BMP1: variants seen among roughly 807,000 people sequenced by gnomAD.
The protein encoded by BMP1 is mammalian tolloid protein.
BMP1 carries 63 observed loss-of-function variants against 116.8 expected under a neutral mutation model. The observed-to-expected ratio is 0.54, with a 90% CI of 0.44 to 0.67. BMP1 has a LOEUF of 0.67. BMP1 is among the 30% of genes least tolerant of loss of function. BMP1 has a pLI of 0.00. For missense variants in BMP1, 1,183 were observed against 1,358.9 expected (o/e 0.87, Z 2.04); for synonymous variants, 536 against 533.4 (o/e 1.00, Z -0.07).
In BMP1 at chr8:22,209,648, G is replaced by A. The variant is rs147298430; in HGVS notation, c.2779G>A (p.Gly927Ser). ...CTATGACTACATGGAGCTCTTCGAC[G>A]GCTACGACAGCACAGCCCCCAGGCT... ...CGYDYMELFD[G>S]YDSTAPRLGR... Residue 927 changes from glycine to serine, a missense_variant, in exon 19 of 20, where the codon GGC becomes AGC. Gly to Ser is a moderately conservative substitution (Grantham distance 56). Transcript: ENST00000306385. 9 of 1,614,002 alleles carry A rather than the reference G, an allele frequency of 5.6e-6. No homozygotes were observed. Among genetic ancestry groups the A allele is most frequent in the Admixed American group, 1.7e-5 (1 of 60,008 alleles).
At chr8:22,207,016 G>T (rs773288389) in intron 17 of BMP1, 35 bp downstream of exon 17, 2 of 1,610,574 alleles carry the variant, frequency 1.2e-6, no homozygotes, top group Non-Finnish European at 8.5e-7. Context: ...TATGCGGTGT[G>T]GCTGCCCCCG....
At chr8:22,202,046 G>GC in intron 16 of BMP1, 118 bp downstream of exon 16, 1 of 1,397,028 alleles carries the variant, frequency 7.2e-7, no homozygotes, top group East Asian at 2.5e-5. Context: ...GATCTCTAAG[G>GC]CCCCCTCATT....
rs932501207 is a variant in BMP1 at position 22,203,758 on chromosome 8, G to A, written c.2233+1830G>A. Among the ~76,000 whole-genome samples the A allele has an allele frequency of 3.3e-5, 5 of 152,268 alleles. 1 individual carries two copies. The highest frequency in any genetic ancestry group is 4.8e-5 in the African/African-American group (2 of 41,536). On this transcript the variant is annotated intron_variant, in intron 16 of 19. Coordinates refer to ENST00000306385, the MANE Select transcript of BMP1 (RefSeq NM_006129.5). ...ACAGTGAACCAGTGGACAGTCGAGG[G>A]CTTCCAACCCTGTGACCTCAGGCTT...
At chr8:22,187,282 C>T (rs1017717664) in intron 8 of BMP1, among the ~76,000 whole-genome samples, 5 of 151,860 alleles carry the variant, frequency 3.3e-5, no homozygotes, top group Admixed American at 2.0e-4. Context: ...TGAGCCACCA[C>T]GCCCAGGCCA....
intron 16 of BMP1, among the ~76,000 whole-genome samples, chr8:22,204,491 T>A (rs1829317193): frequency 6.6e-6 from 1 of 151,848 alleles, no homozygotes; most frequent in African/African-American, 2.4e-5. Flanking sequence ...GGGAAGCTGA[T>A]GGGGGCAGAT....
At chr8:22,173,580 T>G (rs771978043) in intron 1 of BMP1, 22 bp from the exon 2 acceptor site, 19 of 1,591,654 alleles carry the variant, frequency 1.2e-5, no homozygotes, top group Admixed American at 5.2e-5. Flanking sequence ...AACTCAGCCC[T>G]GGCTTCTTCT....
At position 22,173,678 on chromosome 8, in the gene BMP1, A is replaced by G; in HGVS notation, c.225A>G (p.Arg75=). The G allele has an allele frequency of 6.2e-7, 1 of 1,613,710 alleles. No homozygotes were observed. Among genetic ancestry groups the G allele is most frequent in the Non-Finnish European group, 8.5e-7 (1 of 1,179,728 alleles). The change falls in exon 2 of 20, where the codon AGA becomes AGG. Residue 75 remains arginine, a synonymous_variant. Coordinates refer to ENST00000306385, the MANE Select transcript of BMP1 (RefSeq NM_006129.5). ...AGGTACAGCAGGCTGTGGATCTCAG[A>G]CGGCACACAGCTCGTAAGTCCTCCA... is the stretch of plus-strand genomic sequence containing the variant. ...AFQVQQAVDL[R]RHTARKSSIK... is the part of the protein sequence containing the mutation.
Position 22,194,349 on chromosome 8 carries a change from C to T in BMP1, c.1298-96C>T. The T allele has an allele frequency of 2.0e-6, 3 of 1,525,860 alleles. No individual in the cohort carries two copies. The highest frequency in any genetic ancestry group is 2.4e-5 in the South Asian group (2 of 81,924). The allele number at this position is 1,525,860 out of a possible 1,614,324, so 94.5% of individuals were successfully genotyped here. ...GGTGGGGAACTGAAAAGCTGGGGGA[C>T]ATGGGAGGGACTGGAGGAGTGGGGA... On this transcript the variant is annotated intron_variant, in intron 10 of 19. Transcript: ENST00000306385. This position sits in a 1 kb window ranked among gnomAD's most constrained non-coding sequence, Gnocchi z 4.5.
rs1313593989 is a variant in BMP1 at position 22,180,541 on chromosome 8, G to A, written c.1077+58G>A. ...TCCCCTGCGGGTCCCCATACCTCAGGGACTTCTCCCACAGTGGGGGTCAAT... is the reference window on the plus strand; with the variant it reads ...TCCCCTGCGGGTCCCCATACCTCAGAGACTTCTCCCACAGTGGGGGTCAAT... On this transcript the variant is annotated intron_variant, in intron 8 of 19. Coordinates refer to ENST00000306385, the MANE Select transcript of BMP1 (RefSeq NM_006129.5). 3.3e-6 allele frequency: 5 copies of A among 1,502,670 alleles called. No individual in the cohort carries two copies. The East Asian group carries it at 6.8e-5, about 20-fold the overall frequency. 93.1% of individuals were successfully genotyped at this position (1,502,670 alleles called of 1,614,324 possible).
At chr8:22,209,080 T>G (rs1829415169) in intron 18 of BMP1, among the ~76,000 whole-genome samples, 1 of 152,250 alleles carries the variant, frequency 6.6e-6, no homozygotes, top group African/African-American at 2.4e-5. Context: ...GATGTACGGC[T>G]TCTCTCTTGA....
intron 13 of BMP1, among the ~76,000 whole-genome samples, chr8:22,195,847 C>T (rs1829069237): frequency 1.3e-5 from 2 of 152,008 alleles, no homozygotes; most frequent in Admixed American, 6.6e-5. Context: ...TGAGGTCTTA[C>T]TTTGTTGCCG....
intron 9 of BMP1, 132 bp downstream of exon 9, chr8:22,192,283 C>T (rs1828957693): frequency 4.2e-6 from 3 of 716,334 alleles, no homozygotes; most frequent in Non-Finnish European, 7.0e-6. Context: ...GCCAGGAGTC[C>T]TGGCATCATT....
At chr8:22,201,174 G>C in intron 15 of BMP1, 1 of 1,612,660 alleles carries the variant, frequency 6.2e-7, no homozygotes, top group Non-Finnish European at 8.5e-7. Context: ...CAAATTCCGA[G>C]TGCAGAAAAG....
chr8:22,195,320 T>C (rs1829050542), intron 12 of BMP1, 142 bp from the exon 13 acceptor site: 2 of 1,021,812 alleles, frequency 2.0e-6, no homozygotes, highest in South Asian at 3.4e-5. Context: ...GCCCAGTCCA[T>C]GTGCTCTGAA....
At chr8:22,172,045 T>A (rs1266724251) in intron 1 of BMP1, among the ~76,000 whole-genome samples, 1 of 152,170 alleles carries the variant, frequency 6.6e-6, no homozygotes, top group Non-Finnish European at 1.5e-5. Flanking sequence ...GGTGTCTGAT[T>A]CTGTATGTGA....
rs138719554 is a variant in BMP1 at position 22,182,084 on chromosome 8, C to T, written c.1077+1601C>T. 1.5e-3 allele frequency among the ~76,000 whole-genome samples: 229 copies of T among 152,306 alleles called. 3 individuals are homozygous for T. In the East Asian group the frequency reaches 0.015, roughly 10 times the overall value. On this transcript the variant is annotated intron_variant, in intron 8 of 19. Transcript: ENST00000306385. ...ACCTTCTGTGTCCATATTTTTATTGCTCCCAAGCTACAAGACTTTATTTTC... is the reference window on the plus strand; with the variant it reads ...ACCTTCTGTGTCCATATTTTTATTGTTCCCAAGCTACAAGACTTTATTTTC...
chr8:22,206,620 A>T (rs1226987839), intron 16 of BMP1, among the ~76,000 whole-genome samples: 1 of 152,254 alleles, frequency 6.6e-6, no homozygotes, highest in African/African-American at 2.4e-5. Context: ...TGGCTGCTTC[A>T]TGAGTGCTGC....
At chr8:22,190,456 T>C (rs1307606786) in intron 8 of BMP1, among the ~76,000 whole-genome samples, 1 of 152,188 alleles carries the variant, frequency 6.6e-6, no homozygotes, top group Non-Finnish European at 1.5e-5. Context: ...TGATGAGAAC[T>C]GACGGAAAGG....
chr8:22,200,186 C>G, intron 15 of BMP1, among the ~76,000 whole-genome samples: 1 of 152,242 alleles, frequency 6.6e-6, no homozygotes, highest in East Asian at 1.9e-4. Context: ...GCGGCACACA[C>G]ACCCCTGTGA....
Sources: allele counts gnomAD v4.1 joint callset (sites outside exome capture counted in the v4.1 genomes callset), GRCh38; gene constraint gnomAD v4.1.1; non-coding constraint Gnocchi (gnomAD v3.1); transcripts MANE v1.5; gene names NCBI Gene and HGNC (gene_info 2026-07-23, HGNC 2026-07-21).